The following TLE1 variants were observed in gnomAD, a reference collection of about 807,000 sequenced individuals.
TLE1 encodes the protein transducin-like enhancer protein 1.
Under a neutral mutation model 89.8 loss-of-function variants are expected in TLE1, and 21 were observed. The observed-to-expected ratio is 0.23, with a 90% CI of 0.17 to 0.34. The LOEUF is 0.34. Ranked by LOEUF, TLE1 falls within the 10% of genes least tolerant of loss-of-function variation. TLE1 has a pLI of 1.00. For missense variants in TLE1, 795 were observed against 1,031.2 expected (o/e 0.77, Z 3.14); for synonymous variants, 447 against 407.6 (o/e 1.10, Z -1.16).
At chr9:81,666,646 A>G (rs1831496775) in intron 4 of TLE1, among the ~76,000 whole-genome samples, 1 of 151,840 alleles carries the variant, frequency 6.6e-6, no homozygotes, top group African/African-American at 2.4e-5. Context: ...GTGGTGGTGC[A>G]CGCCTGTAAT....
At chr9:81,647,232 C>G (rs1021477291) in intron 6 of TLE1, among the ~76,000 whole-genome samples, 1 of 152,174 alleles carries the variant, frequency 6.6e-6, no homozygotes, top group Non-Finnish European at 1.5e-5. Flanking sequence ...TCTTCTAACT[C>G]TCTCTTCCCT....
At chr9:81,687,786 G>T (rs942380295) in intron 1 of TLE1, among the ~76,000 whole-genome samples, 3 of 152,046 alleles carry the variant, frequency 2.0e-5, no homozygotes, top group Non-Finnish European at 4.4e-5. Flanking sequence ...ATGACCCCGG[G>T]GACCAGAGGA....
chr9:81,641,982 A>G (rs562630178), intron 6 of TLE1, among the ~76,000 whole-genome samples: 6 of 152,304 alleles, frequency 3.9e-5, no homozygotes, highest in Admixed American at 3.9e-4. Context: ...AGATCGCGCC[A>G]TTGCACTCCA....
rs139123743 is a variant in TLE1, at chr9:81,621,395, T to C, written c.595-838A>G. Among the ~76,000 whole-genome samples the C allele has an allele frequency of 1.7e-4, 26 of 152,276 alleles. No homozygotes were observed. In the East Asian group the frequency reaches 4.6e-3, roughly 27 times the overall value. On this transcript the variant is annotated intron_variant, in intron 8 of 19. Transcript: ENST00000376499. ...ATGTTACAATGAGTTCTTTTAAGTG[T>C]GGGATTAGCATATGCAAGGGGGCAA...
At chr9:81,599,905 AT>A (rs981871909) in intron 14 of TLE1, 19 of 502,328 alleles carry the variant, frequency 3.8e-5, no homozygotes, top group South Asian at 1.2e-4. Flanking sequence ...ATTTTCATTT[AT>A]TTTTTTTAAA....
intron 17 of TLE1, 48 bp downstream of exon 17, chr9:81,587,633 C>A: frequency 6.4e-7 from 1 of 1,561,910 alleles, no homozygotes. Flanking sequence ...GGAAGACACA[C>A]CCCAGCCACC....
Position 81,591,564 on chromosome 9 carries a change from TA to T in TLE1, c.1582-513del, listed in dbSNP as rs373622654. On this transcript the variant is annotated intron_variant, in intron 15 of 19. Transcript: ENST00000376499. ...TCAATGCAAAGGCCAAAGAACCTGATAAAAGCAGGCATCTTTCCATCAAAAC... is the reference window on the plus strand; with the variant it reads ...TCAATGCAAAGGCCAAAGAACCTGATAAAGCAGGCATCTTTCCATCAAAAC... Among the ~76,000 whole-genome samples the T allele has an allele frequency of 2.8e-4, 42 of 152,270 alleles. 2 individuals are homozygous for T. Among genetic ancestry groups the T allele is most frequent in the African/African-American group, 9.1e-4 (38 of 41,538 alleles).
intron 5 of TLE1, 37 bp from the exon 6 acceptor site, chr9:81,652,325 G>T: frequency 6.3e-7 from 1 of 1,578,240 alleles, no homozygotes. Flanking sequence ...ATTAGCAACA[G>T]CCAAAAACTT....
intron 4 of TLE1, among the ~76,000 whole-genome samples, chr9:81,673,588 G>A (rs1832523059): frequency 6.6e-6 from 1 of 152,080 alleles, no homozygotes; most frequent in Non-Finnish European, 1.5e-5. Flanking sequence ...CTTAATCTTG[G>A]TAATTACCCT....
At chr9:81,637,334 G>T (rs981998330) in intron 6 of TLE1, among the ~76,000 whole-genome samples, 3 of 152,180 alleles carry the variant, frequency 2.0e-5, no homozygotes, top group Non-Finnish European at 4.4e-5. Context: ...CTCCAGCCTG[G>T]GTGACAAGAG....
intron 8 of TLE1, chr9:81,620,853 T>C (rs1253889911): frequency 3.8e-5 from 33 of 876,544 alleles, no homozygotes; most frequent in Middle Eastern, 2.4e-4. Context: ...CTGTGTTGTA[T>C]GTGGATGTGT....
rs1392516674 is a variant in TLE1 at position 81,584,126 on chromosome 9, A to G, written c.*72T>C. On this transcript the variant is annotated 3_prime_UTR_variant, in exon 20 of 20. Coordinates refer to ENST00000376499, the MANE Select transcript of TLE1 (RefSeq NM_005077.5). ...AATTTTTTTTCTCTTTTAAAGTTAC[A>G]ACTTTTCTATTTCTATAAATTCGAA... is the stretch of plus-strand genomic sequence containing the variant. 1 of 1,379,856 alleles carries G rather than the reference A, an allele frequency of 7.2e-7. No individual in the cohort carries two copies. Among genetic ancestry groups the G allele is most frequent in the African/African-American group, 1.4e-5 (1 of 69,580 alleles). The allele number at this position is 1,379,856 out of a possible 1,614,324, so 85.5% of individuals were successfully genotyped here. A position where few individuals can be genotyped will look rare whatever the true frequency, so the allele number is the denominator to read the frequency against.
At chr9:81,601,224 G>A (rs1830876617) in intron 14 of TLE1, among the ~76,000 whole-genome samples, 1 of 152,144 alleles carries the variant, frequency 6.6e-6, no homozygotes, top group Non-Finnish European at 1.5e-5. Flanking sequence ...GAAAAAGTGG[G>A]GTGAAAGGGG....
At chr9:81,611,341 G>A (rs765547223) in intron 13 of TLE1, among the ~76,000 whole-genome samples, 16 of 152,104 alleles carry the variant, frequency 1.1e-4, no homozygotes, top group South Asian at 4.2e-4. Flanking sequence ...AAGAGAAAGC[G>A]ATGGCTTCTC....
At chr9:81,585,398 T>C in intron 18 of TLE1, 107 bp downstream of exon 18, 1 of 1,377,256 alleles carries the variant, frequency 7.3e-7, no homozygotes, top group Non-Finnish European at 9.9e-7. Flanking sequence ...TGCATCCAGC[T>C]GCTCGGAGAA....
intron 9 of TLE1, among the ~76,000 whole-genome samples, chr9:81,620,157 CAA>C: frequency 6.6e-6 from 1 of 152,286 alleles, no homozygotes; most frequent in South Asian, 2.1e-4. Flanking sequence ...GGACTCCTAA[CAA>C]GAGCAGGGCC....
At chr9:81,601,574 A>AG (rs1259014057) in intron 14 of TLE1, among the ~76,000 whole-genome samples, 2 of 151,736 alleles carry the variant, frequency 1.3e-5, no homozygotes, top group Non-Finnish European at 2.9e-5. Flanking sequence ...AGGTATTTAT[A>AG]GGGAGAACAG....
At chr9:81,654,303 A>G (rs907523437) in intron 4 of TLE1, among the ~76,000 whole-genome samples, 2 of 152,168 alleles carry the variant, frequency 1.3e-5, no homozygotes, top group African/African-American at 2.4e-5. Context: ...GTTTAAGGCT[A>G]TATGATCATT....
chr9:81,624,649 C>G lies in TLE1; in HGVS notation c.595-4092G>C, dbSNP rs539475278. Among the ~76,000 whole-genome samples, 4 of 152,302 alleles carry G rather than the reference C, an allele frequency of 2.6e-5. No homozygotes were observed. The South Asian group carries it at 8.3e-4, about 32-fold the overall frequency. On this transcript the variant is annotated intron_variant, in intron 8 of 19. Coordinates refer to ENST00000376499, the MANE Select transcript of TLE1 (RefSeq NM_005077.5). ...CCAAGAAACCCAAAGTTTTATTTCA[C>G]CTTGCAGCTGGTAAAATGTAAATAT... is the stretch of plus-strand genomic sequence containing the variant.
Sources: gnomAD v4.1 joint callset for allele counts (sites outside exome capture counted in the v4.1 genomes callset) on GRCh38, gnomAD v4.1.1 for gene constraint, MANE v1.5 for transcripts, NCBI Gene and HGNC (gene_info 2026-07-23, HGNC 2026-07-21) for gene names.